Variants in LRRTM4 observed in about 807,000 individuals in gnomAD.
LRRTM4 encodes leucine rich repeat transmembrane neuronal 4.
A neutral mutation model predicts 47.6 loss-of-function variants in LRRTM4; 25 were observed. That is an observed-to-expected ratio of 0.53 (90% CI 0.38 to 0.73). The LOEUF (loss-of-function observed/expected upper bound fraction) is 0.73. Among genes scored for constraint, LRRTM4 ranks in the 30% least tolerant of loss-of-function variants. The pLI is 0.00. For synonymous variants in LRRTM4, 311 were observed against 269.5 expected (o/e 1.15, Z -1.51); for missense variants, 638 against 713.4 (o/e 0.89, Z 1.20).
At chr2:76,777,542 A>G (rs931744830) in intron 3 of LRRTM4, among the ~76,000 whole-genome samples, 2 of 139,012 alleles carry the variant, frequency 1.4e-5, no homozygotes, top group African/African-American at 5.5e-5. Context: ...GAGTTCACTC[A>G]TGATTTGGCT....
intron 3 of LRRTM4, among the ~76,000 whole-genome samples, chr2:76,834,742 T>G (rs926952586): frequency 6.6e-6 from 1 of 152,006 alleles, no homozygotes; most frequent in East Asian, 1.9e-4. Context: ...ATGATACACA[T>G]AGAAAATGTA....
intron 3 of LRRTM4, among the ~76,000 whole-genome samples, chr2:77,453,564 A>T (rs1676348707): frequency 6.6e-6 from 1 of 152,176 alleles, no homozygotes; most frequent in South Asian, 2.1e-4. Flanking sequence ...TTAAGGAAAG[A>T]TTACACAGTT....
chr2:77,427,007 T>G (rs1412966642), intron 3 of LRRTM4, among the ~76,000 whole-genome samples: 1 of 146,250 alleles, frequency 6.8e-6, no homozygotes, highest in Non-Finnish European at 1.5e-5. Context: ...TCTGACGGAG[T>G]CTTGCTCTTT....
chr2:77,161,400 C>G (rs1195781829), intron 3 of LRRTM4, among the ~76,000 whole-genome samples: 1 of 152,154 alleles, frequency 6.6e-6, no homozygotes, highest in Non-Finnish European at 1.5e-5. Context: ...AACCCAGCTT[C>G]TGATGCCTCA....
chr2:77,186,351 A>G (rs899520861), intron 3 of LRRTM4, among the ~76,000 whole-genome samples: 1 of 152,120 alleles, frequency 6.6e-6, no homozygotes, highest in Non-Finnish European at 1.5e-5. Flanking sequence ...CTGTCCAGTG[A>G]TTCTTATCAG....
chr2:76,851,890 A>G (rs988197853), intron 3 of LRRTM4, among the ~76,000 whole-genome samples: 6 of 151,036 alleles, frequency 4.0e-5, no homozygotes, highest in African/African-American at 1.5e-4. Flanking sequence ...TTTTGACCCT[A>G]TTTGTTAATC....
intron 3 of LRRTM4, among the ~76,000 whole-genome samples, chr2:77,463,258 A>G (rs1179372271): frequency 6.6e-6 from 1 of 152,090 alleles, no homozygotes; most frequent in Non-Finnish European, 1.5e-5. Flanking sequence ...TAAAATTGCA[A>G]TATTATAATC....
At chr2:76,857,343 T>A (rs13425938) in intron 3 of LRRTM4, among the ~76,000 whole-genome samples, 15,091 of 148,400 alleles carry the variant, frequency 0.1, 2,383 homozygotes, top group African/African-American at 0.34. Context: ...TATATATTTA[T>A]TCCTTAGCAA....
chr2:76,945,627 A>G (rs988326824), intron 3 of LRRTM4, among the ~76,000 whole-genome samples: 4 of 152,026 alleles, frequency 2.6e-5, no homozygotes, highest in Admixed American at 1.3e-4. Context: ...TGCAACCCCC[A>G]TTCAAAGTTT....
chr2:77,497,995 T>G (rs766071247), intron 3 of LRRTM4, among the ~76,000 whole-genome samples: 4 of 151,864 alleles, frequency 2.6e-5, no homozygotes, highest in Non-Finnish European at 5.9e-5. Flanking sequence ...AAATACAGAT[T>G]GACATAGTTA....
chr2:76,885,828 A>C (rs2104127004), intron 3 of LRRTM4, among the ~76,000 whole-genome samples: 1 of 152,286 alleles, frequency 6.6e-6, no homozygotes, highest in African/African-American at 2.4e-5. Context: ...TTTATGAAAA[A>C]TGCATATAAG....
chr2:77,134,601 AC>A lies in LRRTM4; in HGVS notation c.1551+383716del, dbSNP rs1407972099. 7.9e-5 allele frequency among the ~76,000 whole-genome samples: 12 copies of A among 152,196 alleles called. 1 individual carries two copies. The highest frequency in any genetic ancestry group is 2.2e-4 in the African/African-American group (9 of 41,460). The stretch of plus-strand genomic sequence containing the variant: ...ATGTCTGATTTCTTATAACTAAAAA[AC>A]ACAGTGAGCTTTCCTTTTATTTTCA... On this transcript the variant is annotated intron_variant, in intron 3 of 3. Coordinates refer to ENST00000409884, the MANE Select transcript of LRRTM4 (RefSeq NM_001134745.3).
At chr2:77,034,455 C>A (rs751453285) in intron 3 of LRRTM4, among the ~76,000 whole-genome samples, 1 of 151,832 alleles carries the variant, frequency 6.6e-6, no homozygotes, top group Admixed American at 6.6e-5. Context: ...TAATCTTGCT[C>A]AATTTTTAAA....
Position 77,364,175 on chromosome 2 carries a change from G to A in LRRTM4, c.1551+154143C>T, listed in dbSNP as rs537147281. Reference sequence around the variant, plus strand: ...CTTGTTTATCCCTCTGTGTTTGTATGAATATTTGCATTCAACATCAGCACA... The same window carrying A: ...CTTGTTTATCCCTCTGTGTTTGTATAAATATTTGCATTCAACATCAGCACA... On this transcript the variant is annotated intron_variant, in intron 3 of 3. Transcript: ENST00000409884. Among the ~76,000 whole-genome samples, 1,453 of 151,222 alleles carry A rather than the reference G, an allele frequency of 9.6e-3. 38 individuals are homozygous for A. The highest frequency in any genetic ancestry group is 7.8e-3 in the Non-Finnish European group (526 of 67,834).
intron 3 of LRRTM4, among the ~76,000 whole-genome samples, chr2:77,070,470 T>C (rs1680114857): frequency 1.3e-5 from 2 of 151,178 alleles, no homozygotes; most frequent in Admixed American, 1.3e-4. Flanking sequence ...ATGTTCAATC[T>C]TTCTACCTTG....
At chr2:76,889,094 A>G (rs570216071) in intron 3 of LRRTM4, among the ~76,000 whole-genome samples, 32 of 147,542 alleles carry the variant, frequency 2.2e-4, no homozygotes, top group Admixed American at 6.3e-4. Context: ...AGTTTGAAAT[A>G]TACTACTTCA....
intron 3 of LRRTM4, among the ~76,000 whole-genome samples, chr2:77,491,558 G>A (rs1348178515): frequency 6.6e-6 from 1 of 151,548 alleles, no homozygotes; most frequent in Admixed American, 6.6e-5. Context: ...ATACGATGGG[G>A]CAACACTGAG....
chr2:76,864,470 C>G (rs1573228119), intron 3 of LRRTM4, among the ~76,000 whole-genome samples: 1 of 151,822 alleles, frequency 6.6e-6, no homozygotes, highest in Non-Finnish European at 1.5e-5. Flanking sequence ...CAAGCCTGAC[C>G]AACATGGAGA....
chr2:77,118,792 C>CA (rs1194619006), intron 3 of LRRTM4, among the ~76,000 whole-genome samples: 3 of 151,682 alleles, frequency 2.0e-5, no homozygotes, highest in South Asian at 4.2e-4. Flanking sequence ...TTTCACCTTT[C>CA]AAAAAATAGG....
Sources: gnomAD v4.1 joint callset for allele counts (sites outside exome capture counted in the v4.1 genomes callset) on GRCh38, gnomAD v4.1.1 for gene constraint, MANE v1.5 for transcripts, NCBI Gene and HGNC (gene_info 2026-07-23, HGNC 2026-07-21) for gene names.